FSIP1: variants seen among roughly 807,000 people sequenced by gnomAD.
FSIP1 encodes fibrous sheath-interacting protein 1.
In FSIP1, 65 loss-of-function variants were observed where a neutral mutation model predicts 60.9. The observed-to-expected ratio is 1.07, with a 90% CI of 0.87 to 1.31. The LOEUF is 1.31. Ranked by LOEUF, FSIP1 falls within the 40% of genes most tolerant of loss-of-function variation. The pLI is 0.00. For missense variants in FSIP1, 675 were observed against 665.5 expected (o/e 1.01, Z -0.16); for synonymous variants, 209 against 221.2 (o/e 0.94, Z 0.49).
intron 10 of FSIP1, among the ~76,000 whole-genome samples, chr15:39,696,922 GT>G (rs1894843521): frequency 9.4e-6 from 1 of 105,942 alleles, no homozygotes; most frequent in Admixed American, 9.8e-5. Flanking sequence ...GTGTGTGTGT[GT>G]GTGTTGGGAT....
chr15:39,636,351 A>G (rs1413033393), intron 10 of FSIP1, among the ~76,000 whole-genome samples: 3 of 152,330 alleles, frequency 2.0e-5, no homozygotes, highest in South Asian at 2.1e-4. Flanking sequence ...TCCAGTATCA[A>G]TTGGGAAAGT....
At chr15:39,737,992 A>G in intron 8 of FSIP1, 99 bp downstream of exon 8, 1 of 708,696 alleles carries the variant, frequency 1.4e-6, no homozygotes, top group South Asian at 2.6e-5. Flanking sequence ...ATGTCTCAGA[A>G]TCCGAAAAAT....
In FSIP1 at chr15:39,630,436, G is replaced by A. The variant is rs577795572; in HGVS notation, c.1189-12191C>T. Reference sequence around the variant, plus strand: ...ACAGAGCAAGAAACTTTAAGAAAGAGATGAATCCGTCCACCTCCCTCCCTG... The same window carrying A: ...ACAGAGCAAGAAACTTTAAGAAAGAAATGAATCCGTCCACCTCCCTCCCTG... On this transcript the variant is annotated intron_variant, in intron 10 of 11. Transcript: ENST00000350221. Among the ~76,000 whole-genome samples, 18 of 152,318 alleles carry A rather than the reference G, an allele frequency of 1.2e-4. No individual in the cohort carries two copies. In the South Asian group the frequency reaches 3.5e-3, roughly 30 times the overall value.
intron 10 of FSIP1, among the ~76,000 whole-genome samples, chr15:39,697,915 T>G (rs1451378016): frequency 6.6e-6 from 1 of 152,044 alleles, no homozygotes; most frequent in Non-Finnish European, 1.5e-5. Context: ...CTCTTCACTA[T>G]TTTTAGACTC....
At chr15:39,764,308 T>A (rs1363872041) in intron 4 of FSIP1, among the ~76,000 whole-genome samples, 1 of 152,224 alleles carries the variant, frequency 6.6e-6, no homozygotes, top group Non-Finnish European at 1.5e-5. Context: ...TGCTTGAGAT[T>A]CAGTAGGAAA....
intron 10 of FSIP1, among the ~76,000 whole-genome samples, chr15:39,646,015 A>G (rs1373806406): frequency 6.6e-6 from 1 of 152,172 alleles, no homozygotes; most frequent in East Asian, 1.9e-4. Flanking sequence ...CCATGGACCA[A>G]CTGGCATGCA....
intron 6 of FSIP1, 87 bp downstream of exon 6, chr15:39,741,718 C>A: frequency 1.4e-6 from 1 of 703,060 alleles, no homozygotes; most frequent in Non-Finnish European, 2.5e-6. Context: ...GATTAAATTA[C>A]ATGAACTTAT....
chr15:39,754,349 G>A (rs898717439), intron 5 of FSIP1, among the ~76,000 whole-genome samples: 1 of 152,018 alleles, frequency 6.6e-6, no homozygotes, highest in African/African-American at 2.4e-5. Context: ...CCAGATTCCT[G>A]GCCCACAGAA....
At chr15:39,671,969 C>A (rs1485884566) in intron 10 of FSIP1, among the ~76,000 whole-genome samples, 2 of 152,198 alleles carry the variant, frequency 1.3e-5, no homozygotes, top group Admixed American at 6.5e-5. Flanking sequence ...CTAGAGTCAC[C>A]TACCCACCAG....
intron 1 of FSIP1, among the ~76,000 whole-genome samples, chr15:39,780,115 G>T (rs1311452828): frequency 1.3e-5 from 2 of 152,112 alleles, no homozygotes; most frequent in African/African-American, 2.4e-5. Context: ...AGACTTGCAG[G>T]TCTCATTTTT....
At chr15:39,670,677 C>T (rs1391079550) in intron 10 of FSIP1, among the ~76,000 whole-genome samples, 2 of 152,194 alleles carry the variant, frequency 1.3e-5, no homozygotes, top group Non-Finnish European at 2.9e-5. Flanking sequence ...TGGTCAACTG[C>T]TGTCTTACTA....
At chr15:39,769,465 T>C (rs182142787) in intron 3 of FSIP1, among the ~76,000 whole-genome samples, 1 of 152,306 alleles carries the variant, frequency 6.6e-6, no homozygotes, top group Admixed American at 6.5e-5. Context: ...CAGATACCCA[T>C]CTGAATGAGA....
intron 4 of FSIP1, among the ~76,000 whole-genome samples, chr15:39,764,592 T>C (rs1897617699): frequency 6.6e-6 from 1 of 152,222 alleles, no homozygotes; most frequent in African/African-American, 2.4e-5. Context: ...AGGGTCAAAA[T>C]TGAAATATGA....
intron 8 of FSIP1, among the ~76,000 whole-genome samples, chr15:39,730,820 G>A (rs989854546): frequency 2.0e-5 from 3 of 152,188 alleles, no homozygotes; most frequent in African/African-American, 7.2e-5. Context: ...TGAGCATCTC[G>A]TGGAAAGCAA....
chr15:39,634,832 G>A (rs537494978), intron 10 of FSIP1, among the ~76,000 whole-genome samples: 1 of 152,248 alleles, frequency 6.6e-6, no homozygotes, highest in African/African-American at 2.4e-5. Flanking sequence ...GACATCAGTG[G>A]TACCTAATGT....
intron 4 of FSIP1, 64 bp from the exon 5 acceptor site, chr15:39,763,978 T>A (rs1215576395): frequency 1.1e-6 from 1 of 878,024 alleles, no homozygotes; most frequent in East Asian, 2.4e-5. Context: ...ATTGATTTTT[T>A]AAACTCCAAC....
intron 8 of FSIP1, among the ~76,000 whole-genome samples, chr15:39,735,644 T>C (rs1032326795): frequency 1.3e-5 from 2 of 152,118 alleles, no homozygotes; most frequent in African/African-American, 4.8e-5. Flanking sequence ...AATATTTTTC[T>C]TTATTTAATA....
At chr15:39,635,371 C>T (rs1209568994) in intron 10 of FSIP1, among the ~76,000 whole-genome samples, 1 of 151,804 alleles carries the variant, frequency 6.6e-6, no homozygotes, top group Non-Finnish European at 1.5e-5. Flanking sequence ...TAGATACATG[C>T]ATACCAAAGA....
At chr15:39,764,949 C>G (rs80323254) in intron 4 of FSIP1, among the ~76,000 whole-genome samples, 2,430 of 152,324 alleles carry the variant, frequency 0.016, 82 homozygotes, top group African/African-American at 0.055. Flanking sequence ...TATTACACCC[C>G]TTCCTATTCC....
Sources: allele counts gnomAD v4.1 joint callset (sites outside exome capture counted in the v4.1 genomes callset), GRCh38; gene constraint gnomAD v4.1.1; transcripts MANE v1.5; gene names NCBI Gene and HGNC (gene_info 2026-07-23, HGNC 2026-07-21).